Variants in LEPR observed in about 807,000 individuals in gnomAD.
LEPR encodes leptin receptor, also known as OB receptor.
In LEPR, 56 loss-of-function variants were observed where a neutral mutation model predicts 114.7. The observed-to-expected ratio is 0.49, with a 90% CI of 0.39 to 0.61. LEPR has a LOEUF of 0.61. Among genes scored for constraint, LEPR ranks in the 20% least tolerant of loss-of-function variants. The pLI is 0.00. For synonymous variants in LEPR, 443 were observed against 461.4 expected, an observed-to-expected ratio of 0.96 and a Z score of 0.51; for missense variants, 1,202 against 1,352.9, an observed-to-expected ratio of 0.89 and a Z score of 1.75.
At chr1:65,632,580 T>A (rs148578251) in intron 19 of LEPR, among the ~76,000 whole-genome samples, 36 of 152,232 alleles carry the variant, frequency 2.4e-4, no homozygotes, top group Middle Eastern at 3.4e-3. Flanking sequence ...CCCTCTACTC[T>A]AATTAGCCAT....
At chr1:65,519,004 TCTTTCTTTC>T (rs1363764357) in intron 2 of LEPR, among the ~76,000 whole-genome samples, 5 of 121,370 alleles carry the variant, frequency 4.1e-5, no homozygotes, top group African/African-American at 5.1e-5. Context: ...CCTTCTTTCT[TCTTTCTTTC>T]TCTTTCTTTC....
intron 2 of LEPR, chr1:65,427,861 G>C (rs968427994): frequency 3.5e-6 from 1 of 286,076 alleles, no homozygotes; most frequent in African/African-American, 2.2e-5. Flanking sequence ...GGCTGGTCTT[G>C]AACTCCTGGC....
intron 1 of LEPR, among the ~76,000 whole-genome samples, chr1:65,424,796 T>C (rs939423326): frequency 6.6e-5 from 10 of 152,160 alleles, no homozygotes; most frequent in African/African-American, 2.4e-4. Context: ...TGTGCTCTAC[T>C]TTCTCTCTTC....
At chr1:65,440,146 G>T (rs1336129533) in intron 2 of LEPR, among the ~76,000 whole-genome samples, 1 of 152,032 alleles carries the variant, frequency 6.6e-6, no homozygotes, top group Non-Finnish European at 1.5e-5. Context: ...GCTGAATAGA[G>T]CTATTGAATA....
chr1:65,498,511 G>A (rs937555851), intron 2 of LEPR, among the ~76,000 whole-genome samples: 2 of 152,108 alleles, frequency 1.3e-5, no homozygotes, highest in Non-Finnish European at 2.9e-5. Context: ...CAAGAATGAC[G>A]ATGGCGAAAT....
intron 5 of LEPR, among the ~76,000 whole-genome samples, chr1:65,583,936 A>G (rs1367778245): frequency 6.6e-6 from 1 of 152,140 alleles, no homozygotes; most frequent in African/African-American, 2.4e-5. Context: ...ATTTTTAAAG[A>G]TGCAAAATGC....
chr1:65,591,389 T>C (rs1262336090), intron 5 of LEPR, among the ~76,000 whole-genome samples: 1 of 152,136 alleles, frequency 6.6e-6, no homozygotes, highest in Non-Finnish European at 1.5e-5. Flanking sequence ...ATTTGTTATA[T>C]CAATGGAGAA....
intron 3 of LEPR, among the ~76,000 whole-genome samples, chr1:65,566,976 T>A (rs189728245): frequency 2.6e-5 from 4 of 152,360 alleles, no homozygotes; most frequent in Non-Finnish European, 1.5e-5. Flanking sequence ...TTAAGGGAAC[T>A]GTTCATTCTC....
intron 2 of LEPR, chr1:65,431,988 G>A (rs1258757580): frequency 3.4e-6 from 5 of 1,491,500 alleles, no homozygotes; most frequent in East Asian, 2.4e-5. Context: ...GTGCACATGC[G>A]GCATTTTACT....
chr1:65,502,970 A>C (rs187485598), intron 2 of LEPR, among the ~76,000 whole-genome samples: 3 of 151,852 alleles, frequency 2.0e-5, no homozygotes, highest in Non-Finnish European at 2.9e-5. Context: ...GTGAGCAGGC[A>C]AAATGGGGGA....
rs191132255 is a variant in LEPR, at chr1:65,455,939, G to A, written c.-21+30561G>A. Among the ~76,000 whole-genome samples, 19 of 152,248 alleles carry A rather than the reference G, an allele frequency of 1.2e-4. No individual in the cohort carries two copies. In the East Asian group the frequency reaches 3.1e-3, roughly 25 times the overall value. ...CTGTGCTAGCAATCAGTGAGACTCC[G>A]TGGGCATAGGACCCTCCGAGCCAGG... On this transcript the variant is annotated intron_variant, in intron 2 of 19. Transcript: ENST00000349533.
intron 14 of LEPR, among the ~76,000 whole-genome samples, chr1:65,611,286 A>G (rs1186793627): frequency 1.3e-5 from 2 of 152,208 alleles, no homozygotes; most frequent in African/African-American, 4.8e-5. Context: ...CATTTATTGT[A>G]TTCTGAACAC....
At chr1:65,534,961 C>T (rs1476985212) in intron 2 of LEPR, among the ~76,000 whole-genome samples, 4 of 152,082 alleles carry the variant, frequency 2.6e-5, no homozygotes, top group Non-Finnish European at 2.9e-5. Flanking sequence ...TAACTTTAGC[C>T]GCTGTTATTT....
intron 2 of LEPR, among the ~76,000 whole-genome samples, chr1:65,460,657 G>A (rs1246332959): frequency 6.6e-6 from 1 of 152,128 alleles, no homozygotes; most frequent in African/African-American, 2.4e-5. Context: ...GGCCGTTCGA[G>A]ACCAGCCTGG....
chr1:65,432,010 T>C (rs1298651280), intron 2 of LEPR: 1 of 1,481,024 alleles, frequency 6.8e-7, no homozygotes. Context: ...TGAAATTTAA[T>C]ATGCTGGGTT....
rs1658794657 is a variant in LEPR at position 65,638,872 on chromosome 1, A to G, written c.*1857A>G. The G allele has an allele frequency of 6.6e-6, 1 of 152,186 alleles. No homozygotes were observed. The highest frequency in any genetic ancestry group is 2.4e-5 in the African/African-American group (1 of 41,436). 9.4% of individuals were successfully genotyped at this position (152,186 alleles called of 1,614,324 possible). On this transcript the variant is annotated 3_prime_UTR_variant, in exon 20 of 20. Coordinates refer to ENST00000349533, the MANE Select transcript of LEPR (RefSeq NM_002303.6). The stretch of plus-strand genomic sequence containing the variant: ...AAATGGAGAAGCGTTTTTTTCATGG[A>G]TAATTTTACATGGCTTTAGAGACAC...
chr1:65,632,348 A>C (rs1658556956), intron 19 of LEPR, among the ~76,000 whole-genome samples: 1 of 152,136 alleles, frequency 6.6e-6, no homozygotes, highest in African/African-American at 2.4e-5. Flanking sequence ...TCCCCTAAAA[A>C]TGTAACCTCA....
rs1026357809 is a variant in LEPR, at chr1:65,641,323, TTAAG to T, written c.*4310_*4313del. 2.0e-5 allele frequency: 3 copies of T among 152,224 alleles called. No individual in the cohort carries two copies. The highest frequency in any genetic ancestry group is 7.2e-5 in the African/African-American group (3 of 41,458). 9.4% of individuals were successfully genotyped at this position (152,224 alleles called of 1,614,324 possible). On this transcript the variant is annotated 3_prime_UTR_variant, in exon 20 of 20. Transcript: ENST00000349533. Reference sequence around the variant, plus strand: ...GATATTGTACTTTTAAAACCTGTCATTAAGTGTTTGGCATGTGGTTAATACTTTC... The same window carrying T: ...GATATTGTACTTTTAAAACCTGTCATTGTTTGGCATGTGGTTAATACTTTC...
chr1:65,531,150 A>G (rs1482847545), intron 2 of LEPR, among the ~76,000 whole-genome samples: 4 of 151,994 alleles, frequency 2.6e-5, no homozygotes, highest in Admixed American at 2.6e-4. Flanking sequence ...CTCATTTCCT[A>G]CTGTTCTTCC....
Sources: gnomAD v4.1 joint callset for allele counts (sites outside exome capture counted in the v4.1 genomes callset) on GRCh38, gnomAD v4.1.1 for gene constraint, MANE v1.5 for transcripts, NCBI Gene and HGNC (gene_info 2026-07-23, HGNC 2026-07-21) for gene names.